Variants in SPEG observed in about 807,000 individuals in gnomAD.
SPEG encodes the protein striated muscle enriched protein kinase, also known as striated muscle preferentially expressed protein kinase.
SPEG carries 114 observed loss-of-function variants against 300.4 expected under a neutral mutation model. The ratio of observed to expected loss-of-function variants is 0.38; its 90% CI spans 0.33 to 0.44. The LOEUF is 0.44. Among genes scored for constraint, SPEG ranks in the 20% least tolerant of loss-of-function variants. The probability of loss-of-function intolerance (pLI) is 1.00; values close to 1 mark genes in which losing one functional copy is unlikely to be tolerated. For missense variants in SPEG, 4,201 were observed against 4,586.2 expected (o/e 0.92, Z 2.43); for synonymous variants, 1,964 against 2,018.9 (o/e 0.97, Z 0.73).
At chr2:219,474,671 A>C (rs1179859807) in intron 18 of SPEG, among the ~76,000 whole-genome samples, 1 of 152,208 alleles carries the variant, frequency 6.6e-6, no homozygotes, top group Non-Finnish European at 1.5e-5. Context: ...GGGAAGACCA[A>C]GTTGGTTTTT....
Position 219,473,219 on chromosome 2 carries a change from G to C in SPEG, c.4147+123G>C. 1.0e-6 allele frequency: 1 copy of C among 997,526 alleles called. No individual in the cohort carries two copies. Among genetic ancestry groups the C allele is most frequent in the Non-Finnish European group, 1.5e-6 (1 of 678,452 alleles). 61.8% of individuals were successfully genotyped at this position (997,526 alleles called of 1,614,324 possible). On this transcript the variant is annotated intron_variant, in intron 16 of 40. Transcript: ENST00000312358. This position sits in a 1 kb window ranked among gnomAD's most constrained non-coding sequence, Gnocchi z 4.6. ...ACTGGCAGGAGCAGCCTAGCCGGGCGGGACCTTGGCCCATCTGTACACTTC... is the reference window on the plus strand; with the variant it reads ...ACTGGCAGGAGCAGCCTAGCCGGGCCGGACCTTGGCCCATCTGTACACTTC...
Position 219,448,600 on chromosome 2 carries a change from C to T in SPEG, c.1442C>T (p.Thr481Met). The T allele has an allele frequency of 6.9e-7, 1 of 1,459,444 alleles. No individual in the cohort carries two copies. The highest frequency in any genetic ancestry group is 9.0e-7 in the Non-Finnish European group (1 of 1,113,204). 90.4% of individuals were successfully genotyped at this position (1,459,444 alleles called of 1,614,324 possible). Residue 481 changes from threonine (T) to methionine (M), a missense_variant, in exon 4 of 41, where the codon ACG (threonine) becomes ATG (methionine). Coordinates refer to ENST00000312358, the MANE Select transcript of SPEG (RefSeq NM_005876.5). ...QQKAASLDERTRQRSPASDLE... is the reference protein window; with the variant it reads ...QQKAASLDERMRQRSPASDLE... ...AAAGCGGCCTCGCTGGACGAGCGCA[C>T]GCGTCAGCGCAGCCCGGCCTCAGAC...
intron 6 of SPEG, among the ~76,000 whole-genome samples, chr2:219,457,083 G>A (rs1435543776): frequency 6.6e-6 from 1 of 152,144 alleles, no homozygotes; most frequent in Non-Finnish European, 1.5e-5. Flanking sequence ...GCACCCTGTG[G>A]AAATGCCCAC....
chr2:219,480,934 A>G lies in SPEG; in HGVS notation c.5369+237A>G, dbSNP rs375750211. The stretch of plus-strand genomic sequence containing the variant: ...GAGAGCCCAGCGCAGGCTCAGGGCC[A>G]TGGAGGCAGGGAACTCCTTGGCTCT... On this transcript the variant is annotated intron_variant, in intron 26 of 40. Transcript: ENST00000312358. The surrounding 1 kb of genome is among the most constrained non-coding windows in gnomAD (Gnocchi z 5.3). 3.3e-5 allele frequency among the ~76,000 whole-genome samples: 5 copies of G among 152,078 alleles called. No homozygotes were observed. In the East Asian group the frequency reaches 5.8e-4, roughly 18 times the overall value.
chr2:219,459,900 A>G lies in SPEG; in HGVS notation c.2441-1982A>G, dbSNP rs1438513993. The stretch of plus-strand genomic sequence containing the variant: ...TTCCTTACTGGCCATGCTGGGAAAC[A>G]CAGGTCATGGCTTGGGAATGTGGCC... On this transcript the variant is annotated intron_variant, in intron 6 of 40. Transcript: ENST00000312358. The surrounding 1 kb of genome is among the most constrained non-coding windows in gnomAD (Gnocchi z 4.9). Among the ~76,000 whole-genome samples, 1 of 152,136 alleles carries G rather than the reference A, an allele frequency of 6.6e-6. No homozygotes were observed. Among genetic ancestry groups the G allele is most frequent in the East Asian group, 1.9e-4 (1 of 5,200 alleles).
chr2:219,484,665 G>C lies in SPEG; in HGVS notation c.7202G>C (p.Gly2401Ala), dbSNP rs750155659. ...TCGGTGCAGGACCTCAGGGCTGTCG[G>C]AGAGCCTGGCCTCGTCCGCCGCCTC... Reference protein sequence around the residue: ...SRSVQDLRAVGEPGLVRRLSL... With the variant: ...SRSVQDLRAVAEPGLVRRLSL... Residue 2401 changes from glycine (G) to alanine (A), a missense_variant, in exon 30 of 41, where the codon GGA (glycine) becomes GCA (alanine). This residue lies in a region of SPEG where 1,578 missense variants were observed against 1,506.0 expected (regional missense o/e 1.05). Transcript: ENST00000312358. The C allele has an allele frequency of 2.2e-5, 34 of 1,529,396 alleles. No individual in the cohort carries two copies. In the African/African-American group the frequency reaches 4.7e-4, roughly 21 times the overall value. The allele number at this position is 1,529,396 out of a possible 1,614,324, so 94.7% of individuals were successfully genotyped here.
chr2:219,460,678 C>G, intron 6 of SPEG: 6 of 985,390 alleles, frequency 6.1e-6, no homozygotes, highest in Non-Finnish European at 7.2e-6. Flanking sequence ...CCCCTCTCCC[C>G]TCTCCTCCCC....
intron 9 of SPEG, chr2:219,465,872 T>C (rs1046872750): frequency 1.1e-5 from 7 of 622,086 alleles, no homozygotes; most frequent in South Asian, 1.9e-5. Context: ...TGTGTGCGTG[T>C]GTGCGTGCGT....
At position 219,489,990 on chromosome 2, in the gene SPEG, CT is replaced by C; in HGVS notation, c.8921+52del. On this transcript the variant is annotated intron_variant, in intron 36 of 40. Coordinates refer to ENST00000312358, the MANE Select transcript of SPEG (RefSeq NM_005876.5). ...GGACAGAGGGGAGTGGGCCAAATGTCTGGAGCACATGGCTTCGGAGAGAAGA... is the reference window on the plus strand; with the variant it reads ...GGACAGAGGGGAGTGGGCCAAATGTCGGAGCACATGGCTTCGGAGAGAAGA... 3 of 1,515,696 alleles carry C rather than the reference CT, an allele frequency of 2.0e-6. No homozygotes were observed. In the South Asian group the frequency reaches 4.0e-5, roughly 20 times the overall value. 93.9% of individuals were successfully genotyped at this position (1,515,696 alleles called of 1,614,324 possible).
chr2:219,484,524 G>C lies in SPEG; in HGVS notation c.7061G>C (p.Arg2354Pro). The change falls in exon 30 of 41, where the codon CGT becomes CCT. Residue 2354 changes from arginine (R) to proline (P), a missense_variant. Arg to Pro is a moderately radical substitution (Grantham distance 103). Transcript: ENST00000312358. ...PLSLGLRLLS[R>P]SRSEERGPFR... ...TCGCTGGGGCTGCGGCTGCTGAGCC[G>C]TTCGCGCTCGGAGGAGCGCGGCCCC... The C allele has an allele frequency of 6.3e-7, 1 of 1,599,464 alleles. No homozygotes were observed.
Position 219,467,445 on chromosome 2 carries a change from A to C in SPEG, c.3142+11A>C, listed in dbSNP as rs534740438. 1.9e-6 allele frequency: 3 copies of C among 1,590,152 alleles called. No homozygotes were observed. The highest frequency in any genetic ancestry group is 1.7e-5 in the Admixed American group (1 of 59,480). On this transcript the variant is annotated intron_variant, in intron 10 of 40. Coordinates refer to ENST00000312358, the MANE Select transcript of SPEG (RefSeq NM_005876.5). ...TCAGCACGGCCAAAGGTAACTCCCC[A>C]CTCAGGCATTGGGCTGCCGTGGGTG...
At position 219,481,765 on chromosome 2, in the gene SPEG, T is replaced by A; in HGVS notation, c.5565+85T>A. The A allele has an allele frequency of 8.1e-7, 1 of 1,235,898 alleles. No homozygotes were observed. The highest frequency in any genetic ancestry group is 1.2e-6 in the Non-Finnish European group (1 of 838,414). 76.6% of individuals were successfully genotyped at this position (1,235,898 alleles called of 1,614,324 possible). On this transcript the variant is annotated intron_variant, in intron 28 of 40. Coordinates refer to ENST00000312358, the MANE Select transcript of SPEG (RefSeq NM_005876.5). The surrounding 1 kb of genome is among the most constrained non-coding windows in gnomAD (Gnocchi z 5.4). ...AGCTCTATTTATTGAGTACCTACTG[T>A]GTGCAGTAACCACGTTAGGCATTGT...
Position 219,473,933 on chromosome 2 carries a change from T to C in SPEG, c.4447+30T>C. Reference sequence around the variant, plus strand: ...GTGACAGCGGGCCTTCTTCCTAGCCTCCCTCCAAGGCCCAAAGCTCTCTAC... The same window carrying C: ...GTGACAGCGGGCCTTCTTCCTAGCCCCCCTCCAAGGCCCAAAGCTCTCTAC... On this transcript the variant is annotated intron_variant, in intron 18 of 40. Coordinates refer to ENST00000312358, the MANE Select transcript of SPEG (RefSeq NM_005876.5). The surrounding 1 kb of genome is among the most constrained non-coding windows in gnomAD (Gnocchi z 4.6). 1 of 1,582,214 alleles carries C rather than the reference T, an allele frequency of 6.3e-7. No homozygotes were observed. Among genetic ancestry groups the C allele is most frequent in the African/African-American group, 1.3e-5 (1 of 74,752 alleles).
rs1372689161 is a variant in SPEG, at chr2:219,492,982, A to G, written c.*196A>G. The G allele has an allele frequency of 2.8e-6, 2 of 721,314 alleles. No homozygotes were observed. Among genetic ancestry groups the G allele is most frequent in the South Asian group, 1.5e-5 (1 of 67,122 alleles). The allele number at this position is 721,314 out of a possible 1,614,324, so 44.7% of individuals were successfully genotyped here. A position where few individuals can be genotyped will look rare whatever the true frequency, so the allele number is the denominator to read the frequency against. ...CTGGACCTGATGCCACCCCAGGCCA[A>G]AGCCAGAGTGGGAGACCCATTGGTC... On this transcript the variant is annotated 3_prime_UTR_variant, in exon 41 of 41. Coordinates refer to ENST00000312358, the MANE Select transcript of SPEG (RefSeq NM_005876.5).
rs2125286391 is a variant in SPEG, at chr2:219,448,978, G to A, written c.1820G>A (p.Cys607Tyr). The A allele has an allele frequency of 2.0e-6, 3 of 1,507,650 alleles. No individual in the cohort carries two copies. The highest frequency in any genetic ancestry group is 5.5e-5 in the East Asian group (2 of 36,690). 93.4% of individuals were successfully genotyped at this position (1,507,650 alleles called of 1,614,324 possible). Residue 607 changes from cysteine to tyrosine, a missense_variant, in exon 4 of 41, where the codon TGC becomes TAC. Physicochemically the swap from Cys to Tyr is radical, Grantham distance 194. This residue lies in a region of SPEG where 1,258 missense variants were observed against 1,293.9 expected (regional missense o/e 0.97). Transcript: ENST00000312358. ...PLTRSRAIQE[C>Y]RSPVPPPAAD... ...ACCCGGAGCAGAGCCATCCAGGAGT[G>A]CAGGAGCCCTGTGCCGCCCCCCGCC...
At position 219,481,591 on chromosome 2, in the gene SPEG, C is replaced by G. The variant is rs749429598; in HGVS notation, c.5523-47C>G. On this transcript the variant is annotated intron_variant, in intron 27 of 40. Coordinates refer to ENST00000312358, the MANE Select transcript of SPEG (RefSeq NM_005876.5). This position sits in a 1 kb window ranked among gnomAD's most constrained non-coding sequence, Gnocchi z 5.4. Reference sequence around the variant, plus strand: ...CCCTGTTTGCTCAGTTATTGACTCACTGATGACTGAACGATAAATCCCTTC... The same window carrying G: ...CCCTGTTTGCTCAGTTATTGACTCAGTGATGACTGAACGATAAATCCCTTC... 8 of 1,610,004 alleles carry G rather than the reference C, an allele frequency of 5.0e-6. No homozygotes were observed. Among genetic ancestry groups the G allele is most frequent in the Non-Finnish European group, 6.8e-6 (8 of 1,176,274 alleles).
chr2:219,465,938 CACGTGT>C (rs752495034), intron 9 of SPEG: 233 of 247,062 alleles, frequency 9.4e-4, no homozygotes, highest in South Asian at 7.6e-3. Flanking sequence ...CGTGTGCGTG[CACGTGT>C]GCGTGCATGT....
chr2:219,472,612 T>A (rs1691984685), intron 15 of SPEG, among the ~76,000 whole-genome samples: 1 of 152,094 alleles, frequency 6.6e-6, no homozygotes, highest in African/African-American at 2.4e-5. Context: ...TTGTCCAGGA[T>A]CTCCTCCCGC....
chr2:219,472,847 C>G (rs1692005542), intron 15 of SPEG, 43 bp from the exon 16 acceptor site: 1 of 1,516,844 alleles, frequency 6.6e-7, no homozygotes, highest in Admixed American at 1.9e-5. Context: ...GGAGGGGTTA[C>G]TGCTCCTGCA....
Sources: allele counts gnomAD v4.1 joint callset (sites outside exome capture counted in the v4.1 genomes callset), GRCh38; gene constraint gnomAD v4.1.1; regional missense constraint gnomAD v4.1.1; non-coding constraint Gnocchi (gnomAD v3.1); transcripts MANE v1.5; gene names NCBI Gene and HGNC (gene_info 2026-07-23, HGNC 2026-07-21).